TROAP: variants seen among roughly 807,000 people sequenced by gnomAD.
The protein encoded by TROAP is tastin.
TROAP carries 62 observed loss-of-function variants against 83.4 expected under a neutral mutation model. The ratio of observed to expected loss-of-function variants is 0.74; its 90% CI spans 0.61 to 0.92. The LOEUF (loss-of-function observed/expected upper bound fraction) is 0.92. Among genes scored for constraint, TROAP ranks in the 40% least tolerant of loss-of-function variants. The pLI is 0.00. For synonymous variants in TROAP, 352 were observed against 386.4 expected, an observed-to-expected ratio of 0.91 and a Z score of 1.04; for missense variants, 876 against 985.1, an observed-to-expected ratio of 0.89 and a Z score of 1.48.
At chr12:49,326,034 C>T (rs1327931053) in intron 5 of TROAP, 42 bp from the exon 6 acceptor site, 1 of 1,609,192 alleles carries the variant, frequency 6.2e-7, no homozygotes. Context: ...GGTTTGGGGT[C>T]CACCTCTGAT....
chr12:49,325,009 C>G (rs995628046), intron 3 of TROAP, among the ~76,000 whole-genome samples: 7 of 149,646 alleles, frequency 4.7e-5, no homozygotes, highest in African/African-American at 1.7e-4. Context: ...CTCCCAGGTT[C>G]AAGTGATTCT....
Position 49,323,613 on chromosome 12 carries a change from C to G in TROAP, c.5C>G (p.Thr2Ser). Residue 2 changes from threonine to serine, a missense_variant, in exon 2 of 15, where the codon ACC becomes AGC. By Grantham distance (58) the Thr-to-Ser change is moderately conservative. Coordinates refer to ENST00000257909, the MANE Select transcript of TROAP (RefSeq NM_005480.4). The part of the protein sequence containing the change: M[T>S]TRQATKDPLL... ...CCCGTCTCAATTGTAGCCATCATGA[C>G]CACCCGGCAAGCCACGAAGGATCCC... 1 of 1,613,854 alleles carries G rather than the reference C, an allele frequency of 6.2e-7. No homozygotes were observed. The highest frequency in any genetic ancestry group is 8.5e-7 in the Non-Finnish European group (1 of 1,179,868).
intron 3 of TROAP, chr12:49,324,557 T>G: frequency 5.5e-6 from 1 of 181,298 alleles, no homozygotes; most frequent in Non-Finnish European, 1.1e-5. Flanking sequence ...GGGACCCCAG[T>G]GCTTAGAATA....
rs1943547740 is a variant in TROAP, at chr12:49,329,468, G to C, written c.1164+14G>C. Reference sequence around the variant, plus strand: ...GCCCTGCCCTGGGTAAGTATCAGAAGCTTCCCCCTACTGAGATCCCTTGCC... The same window carrying C: ...GCCCTGCCCTGGGTAAGTATCAGAACCTTCCCCCTACTGAGATCCCTTGCC... On this transcript the variant is annotated intron_variant, in intron 11 of 14. Coordinates refer to ENST00000257909, the MANE Select transcript of TROAP (RefSeq NM_005480.4). This position sits in a 1 kb window ranked among gnomAD's most constrained non-coding sequence, Gnocchi z 4.5. 6.2e-7 allele frequency: 1 copy of C among 1,602,654 alleles called. No individual in the cohort carries two copies. Among genetic ancestry groups the C allele is most frequent in the Non-Finnish European group, 8.5e-7 (1 of 1,174,200 alleles).
Position 49,329,337 on chromosome 12 carries a change from G to A in TROAP, c.1105-58G>A, listed in dbSNP as rs1943545775. On this transcript the variant is annotated intron_variant, in intron 10 of 14. Coordinates refer to ENST00000257909, the MANE Select transcript of TROAP (RefSeq NM_005480.4). The surrounding 1 kb of genome is among the most constrained non-coding windows in gnomAD (Gnocchi z 4.5). ...CAGGAGAGAGAAGACAGAAGCAAGG[G>A]GAGGCTGAGTGCCATCTGTGGGTGT... 2 of 1,612,940 alleles carry A rather than the reference G, an allele frequency of 1.2e-6. No homozygotes were observed. Among genetic ancestry groups the A allele is most frequent in the South Asian group, 1.1e-5 (1 of 91,006 alleles).
In TROAP at chr12:49,323,965, C is replaced by T. The variant is rs1342158641; in HGVS notation, c.265C>T (p.Arg89Trp). The T allele has an allele frequency of 6.2e-7, 1 of 1,614,106 alleles. No homozygotes were observed. Among genetic ancestry groups the T allele is most frequent in the East Asian group, 2.2e-5 (1 of 44,902 alleles). Residue 89 changes from arginine (R) to tryptophan (W), a missense_variant, in exon 3 of 15, where the codon CGG becomes TGG. By Grantham distance (101) the Arg-to-Trp change is moderately radical (BLOSUM62 -3). Transcript: ENST00000257909. ...SQRLVGISQP[R>W]NPLEELRPSP... ...AAGATTGGTGGGGATCAGTCAGCCT[C>T]GGAACCCCTTGGAAGAGCTCAGGCC...
Position 49,329,261 on chromosome 12 carries a change from A to T in TROAP, c.1104+17A>T. 2.5e-6 allele frequency: 4 copies of T among 1,614,112 alleles called. No individual in the cohort carries two copies. Among genetic ancestry groups the T allele is most frequent in the Non-Finnish European group, 3.4e-6 (4 of 1,179,978 alleles). ...GTTCAGCAGGTAAGAGAGGGCATGG[A>T]GAGGTGGCTGGCATAAGTCACAGCT... On this transcript the variant is annotated intron_variant, in intron 10 of 14. Transcript: ENST00000257909. The surrounding 1 kb of genome is among the most constrained non-coding windows in gnomAD (Gnocchi z 4.5).
At position 49,327,339 on chromosome 12, in the gene TROAP, C is replaced by T. The variant is rs73309977; in HGVS notation, c.891+9C>T. 239,701 of 1,612,310 alleles carry T rather than the reference C, an allele frequency of 0.15. 19,028 individuals are homozygous for T. Among genetic ancestry groups the T allele is most frequent in the African/African-American group, 0.24 (17,697 of 74,882 alleles). On this transcript the variant is annotated intron_variant, in intron 8 of 14. Coordinates refer to ENST00000257909, the MANE Select transcript of TROAP (RefSeq NM_005480.4). ...AAATGTCACATACCAGGGTGAGATG[C>T]GACTCTCCTGGGATGGTGGGTGGGA...
chr12:49,325,565 G>T lies in TROAP; in HGVS notation c.402G>T (p.Glu134Asp). ...CCCTGGCCACCATCCTGTCAGGTGA[G>T]GGTGTGAAGAGCTGTCACCTGGGGC... Reference protein sequence around the residue: ...PAALATILSGEGVKSCHLGRQ... With the variant: ...PAALATILSGDGVKSCHLGRQ... The change falls in exon 4 of 15, where the codon GAG becomes GAT. Residue 134 changes from glutamate to aspartate, a missense_variant. Glu to Asp is a conservative substitution (Grantham distance 45). Transcript: ENST00000257909. 1 of 1,614,068 alleles carries T rather than the reference G, an allele frequency of 6.2e-7. No individual in the cohort carries two copies. Among genetic ancestry groups the T allele is most frequent in the East Asian group, 2.2e-5 (1 of 44,874 alleles).
intron 6 of TROAP, 120 bp from the exon 7 acceptor site, chr12:49,326,548 T>C: frequency 8.6e-7 from 1 of 1,161,714 alleles, no homozygotes; most frequent in East Asian, 2.6e-5. Flanking sequence ...GAGAATAACA[T>C]TTGTACCATC....
In TROAP at chr12:49,329,613, C is replaced by G; in HGVS notation, c.1164+159C>G. The G allele has an allele frequency of 9.7e-7, 1 of 1,034,668 alleles. No homozygotes were observed. The highest frequency in any genetic ancestry group is 1.4e-6 in the Non-Finnish European group (1 of 711,224). The allele number at this position is 1,034,668 out of a possible 1,614,324, so 64.1% of individuals were successfully genotyped here. ...GGCTGAGGTAGGAGGATTGCTTGAG[C>G]TCAGATCTTTGAGACCAGCCTGGGC... On this transcript the variant is annotated intron_variant, in intron 11 of 14. Transcript: ENST00000257909. The surrounding 1 kb of genome is among the most constrained non-coding windows in gnomAD (Gnocchi z 4.5).
At chr12:49,330,052 G>A (rs564714828) in intron 12 of TROAP, 61 bp downstream of exon 12, 5 of 1,607,936 alleles carry the variant, frequency 3.1e-6, no homozygotes, top group Non-Finnish European at 4.3e-6. Flanking sequence ...TGAGGAAGAG[G>A]GAAAAGAGAT....
Position 49,325,852 on chromosome 12 carries a change from C to T in TROAP, c.601C>T (p.Arg201Trp), listed in dbSNP as rs201177020. Reference protein sequence around the residue: ...SRLEGPGPRGRTLCPQRLQAL... With the variant: ...SRLEGPGPRGWTLCPQRLQAL... Reference sequence around the variant, plus strand: ...GCTGGAGGGACCAGGACCTCGAGGCCGGACATTGTGCCCCCAGAGGCTACA... The same window carrying T: ...GCTGGAGGGACCAGGACCTCGAGGCTGGACATTGTGCCCCCAGAGGCTACA... Residue 201 changes from arginine to tryptophan, a missense_variant, in exon 5 of 15, where the codon CGG becomes TGG. Arg to Trp is a moderately radical substitution (Grantham distance 101). Around this residue, in one of 3 missense-constraint regions of TROAP, gnomAD observed 689 missense variants for 722.6 expected, o/e 0.95. Coordinates refer to ENST00000257909, the MANE Select transcript of TROAP (RefSeq NM_005480.4). 263 of 1,613,898 alleles carry T rather than the reference C, an allele frequency of 1.6e-4. 2 individuals carry two copies. The East Asian group carries it at 3.8e-3, about 23-fold the overall frequency.
chr12:49,323,415 G>A, intron 1 of TROAP, 66 bp downstream of exon 1: 1 of 709,822 alleles, frequency 1.4e-6, no homozygotes, highest in South Asian at 1.9e-5. Context: ...GCAGTTTGGG[G>A]CCCGAGGGCG....
chr12:49,330,263 C>A lies in TROAP; in HGVS notation c.1418C>A (p.Thr473Asn). The part of the protein sequence containing the change: ...LDMVELQPLL[T>N]EISRTLNATE... ...ATGGTTGAACTTCAGCCCCTGCTGA[C>A]TGAGATTTCTAGAACTCTGAATGCC... The change falls in exon 13 of 15, where the codon ACT becomes AAT. Residue 473 changes from threonine (T) to asparagine (N), a missense_variant. Physicochemically the swap from Thr to Asn is moderately conservative, Grantham distance 65 (BLOSUM62 0). Around this residue, in one of 3 missense-constraint regions of TROAP, gnomAD observed 689 missense variants for 722.6 expected, o/e 0.95. Transcript: ENST00000257909. The A allele has an allele frequency of 1.9e-6, 3 of 1,614,180 alleles. No homozygotes were observed. The highest frequency in any genetic ancestry group is 2.5e-6 in the Non-Finnish European group (3 of 1,180,010).
chr12:49,329,000 G>A lies in TROAP; in HGVS notation c.965G>A (p.Cys322Tyr), dbSNP rs1289517362. 6.2e-7 allele frequency: 1 copy of A among 1,611,380 alleles called. No individual in the cohort carries two copies. The highest frequency in any genetic ancestry group is 8.5e-7 in the Non-Finnish European group (1 of 1,178,246). Residue 322 changes from cysteine (C) to tyrosine (Y), a missense_variant, in exon 9 of 15, where the codon TGT becomes TAT. By Grantham distance (194) the Cys-to-Tyr change is radical. Coordinates refer to ENST00000257909, the MANE Select transcript of TROAP (RefSeq NM_005480.4). ...CCCTTGCCTGGCCATGTGGTGCCAT[G>A]TCCATCACCCTTTGGACGGGCTCAG... The part of the protein sequence containing the change: ...AQPLPGHVVP[C>Y]PSPFGRAQRV...
Position 49,330,719 on chromosome 12 carries a change from G to C in TROAP, c.1874G>C (p.Ser625Thr). 1.2e-6 allele frequency: 2 copies of C among 1,614,066 alleles called. No homozygotes were observed. The highest frequency in any genetic ancestry group is 4.5e-5 in the East Asian group (2 of 44,880). Reference sequence around the variant, plus strand: ...GCAGAACCCGGGCCCCTTCAGCCCAGCACCCAGGGGCAGTCTGGACCCCCA... The same window carrying C: ...GCAGAACCCGGGCCCCTTCAGCCCACCACCCAGGGGCAGTCTGGACCCCCA... The part of the protein sequence containing the change: ...PPAEPGPLQP[S>T]TQGQSGPPGP... The change falls in exon 13 of 15, where the codon AGC becomes ACC. Residue 625 changes from serine to threonine, a missense_variant. By Grantham distance (58) the Ser-to-Thr change is moderately conservative. This residue lies in a region of TROAP where 184 missense variants were observed against 238.3 expected (regional missense o/e 0.77). Transcript: ENST00000257909.
chr12:49,325,773 C>T lies in TROAP; in HGVS notation c.522C>T (p.Ala174=). ...GTGTTCGGGCCTCTGCATATTTGGC[C>T]CCCAGAACCCCCACCCACCGACTGG... The part of the protein sequence containing the change: ...VQGVRASAYL[A]PRTPTHRLDP... The change falls in exon 5 of 15, where the codon GCC becomes GCT. Residue 174 remains alanine, a synonymous_variant. Coordinates refer to ENST00000257909, the MANE Select transcript of TROAP (RefSeq NM_005480.4). 6.2e-7 allele frequency: 1 copy of T among 1,613,942 alleles called. No individual in the cohort carries two copies. Among genetic ancestry groups the T allele is most frequent in the Non-Finnish European group, 8.5e-7 (1 of 1,179,948 alleles).
chr12:49,325,692 G>T, intron 4 of TROAP, 34 bp downstream of exon 4: 1 of 1,612,928 alleles, frequency 6.2e-7, no homozygotes, highest in South Asian at 1.1e-5. Flanking sequence ...ACCAGGCTAG[G>T]GGGCACTGAG....
Sources: gnomAD v4.1 joint callset for allele counts (sites outside exome capture counted in the v4.1 genomes callset) on GRCh38, gnomAD v4.1.1 for gene constraint, gnomAD v4.1.1 regional missense constraint, Gnocchi (gnomAD v3.1) non-coding constraint, MANE v1.5 for transcripts, NCBI Gene and HGNC (gene_info 2026-07-23, HGNC 2026-07-21) for gene names.